CSMD1: variants seen among roughly 807,000 people sequenced by gnomAD.
The protein encoded by CSMD1 is CUB and sushi domain-containing protein 1.
CSMD1 carries 213 observed loss-of-function variants against 417.5 expected under a neutral mutation model. That is an observed-to-expected ratio of 0.51 (90% confidence interval 0.46 to 0.57). The LOEUF is 0.57. Ranked by LOEUF, CSMD1 falls within the 20% of genes least tolerant of loss-of-function variation. CSMD1 has a pLI of 0.00. For missense variants in CSMD1, 6,923 were observed against 4,529.7 expected (o/e 1.53, Z -15.17); for synonymous variants, 2,862 against 1,736.8 (o/e 1.65, Z -16.11).
At chr8:3,827,821 A>T (rs1430679356) in intron 5 of CSMD1, among the ~76,000 whole-genome samples, 1 of 152,236 alleles carries the variant, frequency 6.6e-6, no homozygotes, top group African/African-American at 2.4e-5. Flanking sequence ...ACACTGTAAA[A>T]GTCGGTCCAC....
intron 33 of CSMD1, among the ~76,000 whole-genome samples, chr8:3,194,252 A>C (rs1039873489): frequency 1.3e-5 from 2 of 152,164 alleles, no homozygotes; most frequent in Admixed American, 1.3e-4. Flanking sequence ...TAAAAAGAAG[A>C]AGAAACCAAG....
intron 1 of CSMD1, among the ~76,000 whole-genome samples, chr8:4,809,113 C>T (rs1585134924): frequency 6.6e-6 from 1 of 152,192 alleles, no homozygotes; most frequent in East Asian, 1.9e-4. Context: ...GACCTTATTA[C>T]CAATAAAAGG....
At position 3,106,992 on chromosome 8, in the gene CSMD1, C is replaced by A. The variant is rs562250386; in HGVS notation, c.6836-351G>T. On this transcript the variant is annotated intron_variant, in intron 45 of 69. Coordinates refer to ENST00000635120, the MANE Select transcript of CSMD1 (RefSeq NM_033225.6). ...AAGACTGTAAAATCAAATGGCTTTA[C>A]AGCATCCACAGAGACTCATCTCTGA... 23 of 173,864 alleles carry A rather than the reference C, an allele frequency of 1.3e-4. No homozygotes were observed. The South Asian group carries it at 3.1e-3, about 23-fold the overall frequency. The allele number at this position is 173,864 out of a possible 1,614,324, so 10.8% of individuals were successfully genotyped here.
intron 37 of CSMD1, among the ~76,000 whole-genome samples, chr8:3,176,009 T>C (rs1820913428): frequency 6.6e-6 from 1 of 152,086 alleles, no homozygotes; most frequent in South Asian, 2.1e-4. Context: ...CCAATTAGGT[T>C]TAGGATATTA....
intron 40 of CSMD1, among the ~76,000 whole-genome samples, chr8:3,149,834 TA>T (rs1360914127): frequency 6.6e-6 from 1 of 152,156 alleles, no homozygotes; most frequent in Admixed American, 6.5e-5. Context: ...TTAACTCATT[TA>T]AAAAAACCAC....
intron 2 of CSMD1, among the ~76,000 whole-genome samples, chr8:4,615,305 C>G (rs1237774316): frequency 6.6e-6 from 1 of 152,188 alleles, no homozygotes; most frequent in African/African-American, 2.4e-5. Context: ...TGGGTTTACG[C>G]AGTATCTTCC....
At chr8:4,144,802 G>T (rs535104663) in intron 3 of CSMD1, among the ~76,000 whole-genome samples, 1 of 151,014 alleles carries the variant, frequency 6.6e-6, no homozygotes, top group Non-Finnish European at 1.5e-5. Flanking sequence ...AGTAAGAGTT[G>T]CATCACCAAA....
chr8:3,247,727 C>G (rs1799979223), intron 26 of CSMD1, among the ~76,000 whole-genome samples: 1 of 152,118 alleles, frequency 6.6e-6, no homozygotes, highest in African/African-American at 2.4e-5. Context: ...TTAACATGTG[C>G]AGGCACAGAA....
intron 1 of CSMD1, among the ~76,000 whole-genome samples, chr8:4,716,558 G>A (rs753875695): frequency 3.8e-4 from 58 of 152,192 alleles, no homozygotes; most frequent in Admixed American, 1.3e-3. Flanking sequence ...TAAATTTTAG[G>A]CACAGATGTT....
At chr8:3,968,784 A>C (rs1444151761) in intron 5 of CSMD1, among the ~76,000 whole-genome samples, 11 of 152,192 alleles carry the variant, frequency 7.2e-5, no homozygotes, top group Non-Finnish European at 5.9e-5. Flanking sequence ...GGGATTTGTA[A>C]TTACAATACA....
chr8:4,484,148 G>A (rs575786579), intron 2 of CSMD1, among the ~76,000 whole-genome samples: 1 of 151,770 alleles, frequency 6.6e-6, no homozygotes, highest in South Asian at 2.1e-4. Context: ...AAGGATTTGT[G>A]GAGGCCGCTT....
chr8:3,556,514 ACG>A (rs1255459411), intron 10 of CSMD1, among the ~76,000 whole-genome samples: 20 of 80,252 alleles, frequency 2.5e-4, no homozygotes, highest in Middle Eastern at 6.0e-3. Flanking sequence ...TCTTTTTCAC[ACG>A]CACACACACA....
Position 4,345,953 on chromosome 8 carries a change from C to T in CSMD1, c.415+74000G>A, listed in dbSNP as rs181745186. Among the ~76,000 whole-genome samples the T allele has an allele frequency of 5.3e-5, 8 of 152,224 alleles. No individual in the cohort carries two copies. In the East Asian group the frequency reaches 7.7e-4, roughly 15 times the overall value. On this transcript the variant is annotated intron_variant, in intron 3 of 69. Coordinates refer to ENST00000635120, the MANE Select transcript of CSMD1 (RefSeq NM_033225.6). Reference sequence around the variant, plus strand: ...TTTCTTCCTCAGTGTTTTCAAACTACGCTCTTCATACTGACTAGATATCAT... The same window carrying T: ...TTTCTTCCTCAGTGTTTTCAAACTATGCTCTTCATACTGACTAGATATCAT...
At chr8:3,539,913 G>T (rs902914470) in intron 10 of CSMD1, among the ~76,000 whole-genome samples, 2 of 152,140 alleles carry the variant, frequency 1.3e-5, no homozygotes, top group African/African-American at 4.8e-5. Flanking sequence ...AGACACAATT[G>T]CTTCATGGAT....
intron 3 of CSMD1, among the ~76,000 whole-genome samples, chr8:4,084,354 A>G (rs1358596886): frequency 6.6e-6 from 1 of 152,140 alleles, no homozygotes; most frequent in African/African-American, 2.4e-5. Context: ...ACAAACTACA[A>G]CCATAAATGC....
intron 18 of CSMD1, among the ~76,000 whole-genome samples, chr8:3,369,963 T>A (rs772941716): frequency 6.6e-6 from 1 of 152,128 alleles, no homozygotes; most frequent in East Asian, 1.9e-4. Context: ...ATCTTGAAAA[T>A]AGAAATTATG....
At position 4,626,080 on chromosome 8, in the gene CSMD1, T is replaced by A. The variant is rs114961289; in HGVS notation, c.302+11262A>T. Among the ~76,000 whole-genome samples, 661 of 152,208 alleles carry A rather than the reference T, an allele frequency of 4.3e-3. 3 individuals are homozygous for A. Among genetic ancestry groups the A allele is most frequent in the African/African-American group, 0.015 (636 of 41,518 alleles). On this transcript the variant is annotated intron_variant, in intron 2 of 69. Coordinates refer to ENST00000635120, the MANE Select transcript of CSMD1 (RefSeq NM_033225.6). ...GGACTTGTAAGAACTGACATTACAA[T>A]TGGAGAAAAACTGCCATGAAAGATT...
At chr8:4,710,464 T>TTATATA (rs10660998) in intron 1 of CSMD1, among the ~76,000 whole-genome samples, 2,370 of 144,790 alleles carry the variant, frequency 0.016, 25 homozygotes, top group East Asian at 0.024. Context: ...TAATGGAATA[T>TTATATA]TATATATATA....
chr8:4,165,141 A>G (rs1218844368), intron 3 of CSMD1, among the ~76,000 whole-genome samples: 1 of 152,116 alleles, frequency 6.6e-6, no homozygotes, highest in Non-Finnish European at 1.5e-5. Context: ...AGGTATCTAT[A>G]TTTCAGCCTC....
Sources: gnomAD v4.1 joint callset for allele counts (sites outside exome capture counted in the v4.1 genomes callset) on GRCh38, gnomAD v4.1.1 for gene constraint, MANE v1.5 for transcripts, NCBI Gene and HGNC (gene_info 2026-07-23, HGNC 2026-07-21) for gene names.